NTNG1: variants seen among roughly 807,000 people sequenced by gnomAD.
NTNG1 encodes the protein netrin G1.
A neutral mutation model predicts 54.0 loss-of-function variants in NTNG1; 16 were observed. The observed-to-expected ratio is 0.30, with a 90% CI of 0.20 to 0.45. The LOEUF is 0.45. NTNG1 is among the 20% of genes least tolerant of loss of function. The pLI is 1.00. For synonymous variants in NTNG1, 255 were observed against 263.1 expected, an observed-to-expected ratio of 0.97 and a Z score of 0.30; for missense variants, 530 against 678.7, an observed-to-expected ratio of 0.78 and a Z score of 2.43.
chr1:107,336,580 T>G (rs1668593291), intron 3 of NTNG1, among the ~76,000 whole-genome samples: 2 of 151,976 alleles, frequency 1.3e-5, no homozygotes, highest in South Asian at 4.1e-4. Flanking sequence ...ATTTCTTGGA[T>G]ATAACATCAA....
At chr1:107,472,421 C>A (rs1422460063) in intron 7 of NTNG1, among the ~76,000 whole-genome samples, 1 of 152,200 alleles carries the variant, frequency 6.6e-6, no homozygotes, top group Non-Finnish European at 1.5e-5. Flanking sequence ...TAACCTGTAG[C>A]CTAACTTTAC....
intron 2 of NTNG1, among the ~76,000 whole-genome samples, chr1:107,236,225 A>G (rs1661402662): frequency 6.6e-6 from 1 of 152,206 alleles, no homozygotes; most frequent in African/African-American, 2.4e-5. Context: ...GTCAGAAATT[A>G]TTCAAGCAGG....
Position 107,484,096 on chromosome 1 carries a change from G to A in NTNG1, c.*3256G>A, listed in dbSNP as rs1198995647. ...GCCCCCTCTGGGGGTTTAAACTCCT[G>A]GAGGCAAGCAACATCCTGAGTGCAT... On this transcript the variant is annotated 3_prime_UTR_variant, in exon 8 of 8. Coordinates refer to ENST00000370068, the MANE Select transcript of NTNG1 (RefSeq NM_001113226.3). Among the ~76,000 whole-genome samples the A allele has an allele frequency of 6.6e-6, 1 of 152,194 alleles. No homozygotes were observed. Among genetic ancestry groups the A allele is most frequent in the Non-Finnish European group, 1.5e-5 (1 of 68,042 alleles).
chr1:107,349,248 T>C (rs1472039474), intron 3 of NTNG1, among the ~76,000 whole-genome samples: 13 of 152,182 alleles, frequency 8.5e-5, no homozygotes, highest in Non-Finnish European at 2.9e-5. Context: ...AATCATTTTC[T>C]CTCCAACAGC....
intron 2 of NTNG1, among the ~76,000 whole-genome samples, chr1:107,256,131 G>A (rs921483421): frequency 6.6e-6 from 1 of 152,110 alleles, no homozygotes; most frequent in African/African-American, 2.4e-5. Flanking sequence ...ATTATTTGAT[G>A]GCTAAATGTG....
chr1:107,142,728 G>T (rs551288297), intron 1 of NTNG1, among the ~76,000 whole-genome samples: 1 of 147,242 alleles, frequency 6.8e-6, no homozygotes, highest in East Asian at 2.0e-4. Context: ...ATTCAGATAT[G>T]CTTAGTAGTT....
chr1:107,244,189 A>G (rs1262457748), intron 2 of NTNG1, among the ~76,000 whole-genome samples: 1 of 152,240 alleles, frequency 6.6e-6, no homozygotes, highest in Non-Finnish European at 1.5e-5. Flanking sequence ...CTTTATATAC[A>G]TAGAAACCAA....
At chr1:107,236,881 T>C (rs545862570) in intron 2 of NTNG1, among the ~76,000 whole-genome samples, 1 of 152,308 alleles carries the variant, frequency 6.6e-6, no homozygotes, top group East Asian at 1.9e-4. Context: ...CTTTCTTTTG[T>C]AAATTGCCCA....
rs970455820 is a variant in NTNG1 at position 107,296,812 on chromosome 1, C to T, written c.247-27470C>T. ...ATATATTAGACATCTATTATATATA[C>T]ATATAACTAAAAGATAATAACTAAG... On this transcript the variant is annotated intron_variant, in intron 2 of 7. Coordinates refer to ENST00000370068, the MANE Select transcript of NTNG1 (RefSeq NM_001113226.3). Among the ~76,000 whole-genome samples, 184 of 148,196 alleles carry T rather than the reference C, an allele frequency of 1.2e-3. 1 individual carries two copies. Among genetic ancestry groups the T allele is most frequent in the African/African-American group, 4.4e-3 (179 of 40,732 alleles).
intron 2 of NTNG1, among the ~76,000 whole-genome samples, chr1:107,188,045 C>A (rs1359747052): frequency 1.9e-5 from 2 of 105,258 alleles, no homozygotes; most frequent in African/African-American, 6.0e-5. Flanking sequence ...TGTGTGTAAT[C>A]GGGAATGGCA....
At chr1:107,353,026 G>C (rs1669720258) in intron 3 of NTNG1, among the ~76,000 whole-genome samples, 1 of 152,212 alleles carries the variant, frequency 6.6e-6, no homozygotes, top group African/African-American at 2.4e-5. Context: ...TCAGATGAGG[G>C]GGCCTGCCAT....
intron 2 of NTNG1, among the ~76,000 whole-genome samples, chr1:107,286,960 C>T (rs1172135568): frequency 2.6e-5 from 4 of 152,116 alleles, no homozygotes; most frequent in Admixed American, 2.6e-4. Context: ...GTATCCTTCA[C>T]ACATCTGTAC....
intron 2 of NTNG1, among the ~76,000 whole-genome samples, chr1:107,296,786 T>C (rs1665968931): frequency 6.7e-6 from 1 of 148,542 alleles, no homozygotes; most frequent in East Asian, 1.9e-4. Context: ...TAATATAAAA[T>C]ATATATTAGA....
intron 2 of NTNG1, among the ~76,000 whole-genome samples, chr1:107,312,889 CT>C (rs879676560): frequency 3.0e-4 from 46 of 151,394 alleles, no homozygotes; most frequent in Non-Finnish European, 5.6e-4. Flanking sequence ...ATAGAAATAC[CT>C]TTTTTTTTCC....
intron 2 of NTNG1, among the ~76,000 whole-genome samples, chr1:107,244,946 A>C (rs961576915): frequency 1.3e-5 from 2 of 152,168 alleles, no homozygotes; most frequent in Non-Finnish European, 2.9e-5. Flanking sequence ...TTCACTGATA[A>C]GATTTTATCT....
intron 2 of NTNG1, among the ~76,000 whole-genome samples, chr1:107,317,352 A>C (rs1321179064): frequency 6.6e-6 from 1 of 152,110 alleles, no homozygotes; most frequent in Non-Finnish European, 1.5e-5. Flanking sequence ...ACTCTATGAA[A>C]CCCTTATTAG....
intron 5 of NTNG1, among the ~76,000 whole-genome samples, chr1:107,430,345 T>C (rs1057019678): frequency 1.3e-5 from 2 of 152,068 alleles, no homozygotes; most frequent in African/African-American, 4.8e-5. Context: ...CAGTCCCCTC[T>C]CACTTTTTTT....
At chr1:107,339,232 C>T (rs1012416460) in intron 3 of NTNG1, among the ~76,000 whole-genome samples, 42 of 152,050 alleles carry the variant, frequency 2.8e-4, no homozygotes, top group South Asian at 2.1e-4. Context: ...CCCACTTCTC[C>T]AGCCGTTGTT....
chr1:107,463,768 G>C (rs955706321), intron 7 of NTNG1, among the ~76,000 whole-genome samples: 3 of 151,862 alleles, frequency 2.0e-5, no homozygotes, highest in African/African-American at 7.3e-5. Flanking sequence ...TATGTCCTTA[G>C]GAGTCATTTC....
Sources: allele counts gnomAD v4.1 joint callset (sites outside exome capture counted in the v4.1 genomes callset), GRCh38; gene constraint gnomAD v4.1.1; transcripts MANE v1.5; gene names NCBI Gene and HGNC (gene_info 2026-07-23, HGNC 2026-07-21).